Variants in RAD51B observed in about 807,000 individuals in gnomAD.
RAD51B encodes RAD51 paralog B, also known as DNA repair protein RAD51 homolog 2.
Under a neutral mutation model 42.2 loss-of-function variants are expected in RAD51B, and 38 were observed. The observed-to-expected ratio is 0.90, with a 90% CI of 0.70 to 1.18. The LOEUF is 1.18. RAD51B is among the 50% of genes most tolerant of loss of function. The pLI, the probability that RAD51B is intolerant of heterozygous loss-of-function variation, is 0.00. For synonymous variants in RAD51B, 154 were observed against 145.2 expected, an observed-to-expected ratio of 1.06 and a Z score of -0.43; for missense variants, 373 against 400.7, an observed-to-expected ratio of 0.93 and a Z score of 0.59.
intron 8 of RAD51B, among the ~76,000 whole-genome samples, chr14:68,367,566 G>A (rs2139936358): frequency 6.6e-6 from 1 of 152,330 alleles, no homozygotes; most frequent in Non-Finnish European, 1.5e-5. Flanking sequence ...ATGTGGGAAG[G>A]GAGCCATTAC....
intron 4 of RAD51B, among the ~76,000 whole-genome samples, chr14:67,843,827 T>C (rs965328616): frequency 2.6e-5 from 4 of 151,992 alleles, no homozygotes; most frequent in African/African-American, 9.7e-5. Context: ...TAATTATTTT[T>C]TTTTTTGCAT....
In RAD51B at chr14:68,325,595, G is replaced by A. The variant is rs573880052; in HGVS notation, c.853+33615G>A. On this transcript the variant is annotated intron_variant, in intron 8 of 10. Transcript: ENST00000471583. ...CTCATTTTTTTTTTTTTTAAAAAGA[G>A]TTGTTCCATTTCCCCTTTTTCTGTC... 6.0e-5 allele frequency among the ~76,000 whole-genome samples: 9 copies of A among 149,290 alleles called. No individual in the cohort carries two copies. In the South Asian group the frequency reaches 1.9e-3, roughly 32 times the overall value.
At chr14:68,588,452 C>T (rs975719237) in intron 10 of RAD51B, among the ~76,000 whole-genome samples, 9 of 152,136 alleles carry the variant, frequency 5.9e-5, no homozygotes, top group African/African-American at 2.2e-4. Context: ...AATTTCAGAG[C>T]CAACAGTGGT....
chr14:68,087,017 C>T (rs2076995849), intron 7 of RAD51B, among the ~76,000 whole-genome samples: 1 of 151,944 alleles, frequency 6.6e-6, no homozygotes, highest in South Asian at 2.1e-4. Context: ...TGCCTGTAAT[C>T]TCAGCTACTC....
intron 7 of RAD51B, among the ~76,000 whole-genome samples, chr14:68,164,205 A>G (rs1257008440): frequency 6.6e-6 from 1 of 152,192 alleles, no homozygotes; most frequent in African/African-American, 2.4e-5. Context: ...CTATGATATA[A>G]AACAATTTAC....
At chr14:67,821,985 G>A (rs1441792656) in intron 1 of RAD51B, among the ~76,000 whole-genome samples, 3 of 152,044 alleles carry the variant, frequency 2.0e-5, no homozygotes, top group African/African-American at 7.2e-5. Flanking sequence ...TATGTATATT[G>A]TGTGTGCGTG....
At chr14:68,246,652 C>T (rs978496658) in intron 7 of RAD51B, among the ~76,000 whole-genome samples, 3 of 152,150 alleles carry the variant, frequency 2.0e-5, no homozygotes, top group Non-Finnish European at 4.4e-5. Context: ...TTTGGTCTCA[C>T]GTTCACATCA....
intron 10 of RAD51B, among the ~76,000 whole-genome samples, chr14:68,525,973 G>A (rs1390752877): frequency 6.6e-6 from 1 of 152,188 alleles, no homozygotes; most frequent in African/African-American, 2.4e-5. Flanking sequence ...AAACTCCTGA[G>A]CTGGGTTAAG....
chr14:68,562,636 C>T (rs1437398137), intron 10 of RAD51B: 1 of 985,292 alleles, frequency 1.0e-6, no homozygotes, highest in Non-Finnish European at 1.2e-6. Flanking sequence ...TAATGATCAG[C>T]TGTGAGGACC....
At chr14:68,563,247 G>A (rs1169329237) in intron 10 of RAD51B, 1 of 985,292 alleles carries the variant, frequency 1.0e-6, no homozygotes, top group Non-Finnish European at 1.2e-6. Flanking sequence ...ATTACCTGCA[G>A]AGTTCAATGA....
At chr14:68,641,932 T>C (rs1892471142) in intron 10 of RAD51B, among the ~76,000 whole-genome samples, 1 of 152,068 alleles carries the variant, frequency 6.6e-6, no homozygotes, top group African/African-American at 2.4e-5. Context: ...TGAACCAGCA[T>C]TGCATACCTG....
intron 10 of RAD51B, among the ~76,000 whole-genome samples, chr14:68,626,914 C>A (rs180703919): frequency 6.6e-6 from 1 of 152,104 alleles, no homozygotes; most frequent in African/African-American, 2.4e-5. Flanking sequence ...AGATAACATG[C>A]CTTTGTTGAA....
chr14:68,069,169 G>A (rs1442258330), intron 7 of RAD51B, among the ~76,000 whole-genome samples: 1 of 152,086 alleles, frequency 6.6e-6, no homozygotes, highest in Non-Finnish European at 1.5e-5. Flanking sequence ...ACTGAGCAGG[G>A]GTATGACCTG....
intron 8 of RAD51B, among the ~76,000 whole-genome samples, chr14:68,350,739 T>TGGGGC (rs2082769302): frequency 6.6e-6 from 1 of 152,232 alleles, no homozygotes; most frequent in Non-Finnish European, 1.5e-5. Context: ...CCAGGATATC[T>TGGGGC]AACTCCCTCT....
At chr14:67,936,278 G>A (rs2140169363) in intron 7 of RAD51B, among the ~76,000 whole-genome samples, 1 of 152,152 alleles carries the variant, frequency 6.6e-6, no homozygotes, top group South Asian at 2.1e-4. Context: ...CCAAGCCCTT[G>A]GAAATCTCTA....
rs562105249 is a variant in RAD51B, at chr14:68,208,654, CA to C, written c.757-83229del. On this transcript the variant is annotated intron_variant, in intron 7 of 10. Coordinates refer to ENST00000471583, the MANE Select transcript of RAD51B (RefSeq NM_133510.4). ...TCTGCTTTAAGCCCCTTGCTTTCCACAGGAAAACACCAAGGCTCAGAGAGAT... is the reference window on the plus strand; with the variant it reads ...TCTGCTTTAAGCCCCTTGCTTTCCACGGAAAACACCAAGGCTCAGAGAGAT... Among the ~76,000 whole-genome samples the C allele has an allele frequency of 1.4e-4, 22 of 152,288 alleles. No individual in the cohort carries two copies. In the South Asian group the frequency reaches 4.6e-3, roughly 32 times the overall value.
At chr14:68,546,408 G>A (rs1311533608) in intron 10 of RAD51B, among the ~76,000 whole-genome samples, 1 of 152,172 alleles carries the variant, frequency 6.6e-6, no homozygotes, top group Non-Finnish European at 1.5e-5. Context: ...GAGGAGACAG[G>A]GTAGGAACCT....
At chr14:68,201,340 T>G (rs1306714644) in intron 7 of RAD51B, among the ~76,000 whole-genome samples, 1 of 152,200 alleles carries the variant, frequency 6.6e-6, no homozygotes, top group African/African-American at 2.4e-5. Context: ...AAAAGAACAG[T>G]TTTGAATCTT....
intron 7 of RAD51B, among the ~76,000 whole-genome samples, chr14:68,143,286 C>T (rs903766838): frequency 1.2e-4 from 19 of 152,162 alleles, no homozygotes; most frequent in Admixed American, 1.2e-3. Flanking sequence ...CTTGTGTAGT[C>T]TTCTGTCAGG....
Sources: allele counts gnomAD v4.1 joint callset (sites outside exome capture counted in the v4.1 genomes callset), GRCh38; gene constraint gnomAD v4.1.1; transcripts MANE v1.5; gene names NCBI Gene and HGNC (gene_info 2026-07-23, HGNC 2026-07-21).